SND1: variants seen among roughly 807,000 people sequenced by gnomAD.
SND1 encodes staphylococcal nuclease domain-containing protein 1.
A neutral mutation model predicts 121.7 loss-of-function variants in SND1; 38 were observed. That is an observed-to-expected ratio of 0.31 (90% CI 0.24 to 0.41). The LOEUF (loss-of-function observed/expected upper bound fraction) is 0.41. SND1 is among the 10% of genes least tolerant of loss of function. The probability of loss-of-function intolerance (pLI) is 1.00; values close to 1 mark genes in which losing one functional copy is unlikely to be tolerated. For synonymous variants in SND1, 401 were observed against 447.4 expected (o/e 0.90, Z 1.31); for missense variants, 868 against 1,184.6 (o/e 0.73, Z 3.92).
In SND1 at chr7:127,857,704, C is replaced by T. The variant is rs181967082; in HGVS notation, c.1343+13280C>T. On this transcript the variant is annotated intron_variant, in intron 12 of 23. Transcript: ENST00000354725. The stretch of plus-strand genomic sequence containing the variant: ...CCTCGCTTCTGGCCATCAGCACAGC[C>T]AAGGCCCCACAACTAAAGGCTTTTA... 224 of 583,898 alleles carry T rather than the reference C, an allele frequency of 3.8e-4. No individual in the cohort carries two copies. The African/African-American group carries it at 4.0e-3, about 10-fold the overall frequency. The allele number at this position is 583,898 out of a possible 1,614,324, so 36.2% of individuals were successfully genotyped here.
chr7:128,061,974 G>T (rs1200817038), intron 16 of SND1, among the ~76,000 whole-genome samples: 2 of 152,234 alleles, frequency 1.3e-5, no homozygotes, highest in Non-Finnish European at 2.9e-5. Context: ...CATCTCAAAG[G>T]CCTCTTCACT....
At chr7:127,717,566 A>G (rs547351682) in intron 9 of SND1, among the ~76,000 whole-genome samples, 7 of 152,142 alleles carry the variant, frequency 4.6e-5, no homozygotes, top group African/African-American at 1.7e-4. Flanking sequence ...TGGCAGCTGT[A>G]CTCTTCTAGG....
chr7:127,767,930 A>G (rs558190953), intron 10 of SND1, among the ~76,000 whole-genome samples: 1 of 152,334 alleles, frequency 6.6e-6, no homozygotes, highest in East Asian at 1.9e-4. Flanking sequence ...TTTGGTGTGG[A>G]AAGAGGGGCT....
At chr7:128,024,971 C>A (rs1365859248) in intron 16 of SND1, among the ~76,000 whole-genome samples, 1 of 152,148 alleles carries the variant, frequency 6.6e-6, no homozygotes, top group Non-Finnish European at 1.5e-5. Context: ...GGGAGGAGGC[C>A]AAGCCACCTT....
intron 16 of SND1, chr7:127,997,576 T>C (rs941404168): frequency 7.1e-6 from 3 of 423,556 alleles, no homozygotes; most frequent in Middle Eastern, 4.2e-4. Flanking sequence ...ATCTAATGTT[T>C]CTTAAAAGAC....
intron 7 of SND1, 152 bp from the exon 8 acceptor site, chr7:127,704,687 G>A (rs913751696): frequency 2.3e-5 from 15 of 649,292 alleles, no homozygotes; most frequent in African/African-American, 7.2e-5. Flanking sequence ...GAGTGGTTTC[G>A]TAGTGAGAGA....
intron 4 of SND1, among the ~76,000 whole-genome samples, chr7:127,699,460 T>G (rs889252679): frequency 6.6e-6 from 1 of 152,216 alleles, no homozygotes; most frequent in Non-Finnish European, 1.5e-5. Flanking sequence ...TTGTTTAGAA[T>G]CTGGAGAAAC....
chr7:127,702,458 G>T lies in SND1; in HGVS notation c.613G>T (p.Gly205Cys). Residue 205 changes from glycine (G) to cysteine (C), a missense_variant, in exon 6 of 24, where the codon GGC becomes TGC. Physicochemically the swap from Gly to Cys is radical, Grantham distance 159. Transcript: ENST00000354725. ...VNAIIEHVRD[G>C]SVVRALLLPD... ...AGCTATCATCGAGCATGTGCGGGAC[G>T]GCAGTGTGGTCAGGGCCCTGCTCCT... The T allele has an allele frequency of 3.1e-6, 5 of 1,614,106 alleles. No homozygotes were observed. The highest frequency in any genetic ancestry group is 4.2e-6 in the Non-Finnish European group (5 of 1,179,980).
At chr7:127,966,952 G>A (rs1257535189) in intron 15 of SND1, among the ~76,000 whole-genome samples, 3 of 152,106 alleles carry the variant, frequency 2.0e-5, no homozygotes, top group East Asian at 1.9e-4. Flanking sequence ...TTGATAGAGC[G>A]GCATATTTCT....
chr7:127,878,281 G>T (rs748669949), intron 12 of SND1, among the ~76,000 whole-genome samples: 8 of 152,126 alleles, frequency 5.3e-5, no homozygotes, highest in Non-Finnish European at 8.8e-5. Context: ...TCACAGACCT[G>T]TACATACTCT....
intron 1 of SND1, among the ~76,000 whole-genome samples, chr7:127,665,452 G>A (rs1393751291): frequency 1.3e-5 from 2 of 152,156 alleles, no homozygotes; most frequent in East Asian, 1.9e-4. Flanking sequence ...CTCCCGAAGT[G>A]CTGGGATTAC....
rs183316595 is a variant in SND1 at position 127,705,891 on chromosome 7, C to T, written c.947+946C>T. The stretch of plus-strand genomic sequence containing the variant: ...TATACAGCTAAGAGATGTGCAACGA[C>T]GTGAATGAATAACTATAGTATTTAT... On this transcript the variant is annotated intron_variant, in intron 8 of 23. Transcript: ENST00000354725. Among the ~76,000 whole-genome samples, 339 of 152,246 alleles carry T rather than the reference C, an allele frequency of 2.2e-3. 1 individual carries two copies. The highest frequency in any genetic ancestry group is 3.0e-3 in the Non-Finnish European group (207 of 68,026).
intron 16 of SND1, 140 bp downstream of exon 16, chr7:127,991,196 A>C: frequency 1.6e-6 from 1 of 639,000 alleles, no homozygotes; most frequent in Non-Finnish European, 2.7e-6. Flanking sequence ...GTGTCTGCCC[A>C]CATCTTATTT....
intron 13 of SND1, among the ~76,000 whole-genome samples, chr7:127,904,140 G>A (rs1280181721): frequency 6.6e-6 from 1 of 152,204 alleles, no homozygotes; most frequent in Non-Finnish European, 1.5e-5. Context: ...CATGGCTGAG[G>A]TTGGCAGAGT....
At chr7:128,089,164 C>T (rs1285004221) in intron 21 of SND1, among the ~76,000 whole-genome samples, 1 of 152,174 alleles carries the variant, frequency 6.6e-6, no homozygotes, top group Admixed American at 6.5e-5. Context: ...AAGCGATTCT[C>T]GTGCCGCAGT....
intron 1 of SND1, among the ~76,000 whole-genome samples, chr7:127,669,617 C>T (rs1352362191): frequency 6.6e-6 from 1 of 152,212 alleles, no homozygotes; most frequent in Non-Finnish European, 1.5e-5. Context: ...GCTTCCTAGG[C>T]AAGACTCTCA....
intron 12 of SND1, among the ~76,000 whole-genome samples, chr7:127,885,309 C>T (rs560221494): frequency 4.6e-5 from 7 of 152,070 alleles, no homozygotes; most frequent in Non-Finnish European, 7.4e-5. Context: ...ATGCATTGCA[C>T]GTAGTGAATG....
rs554625752 is a variant in SND1 at position 127,726,057 on chromosome 7, A to G, written c.1152+4657A>G. Among the ~76,000 whole-genome samples the G allele has an allele frequency of 1.3e-3, 198 of 152,238 alleles. 1 individual carries two copies. The highest frequency in any genetic ancestry group is 3.0e-3 in the Admixed American group (46 of 15,290). On this transcript the variant is annotated intron_variant, in intron 10 of 23. Transcript: ENST00000354725. Reference sequence around the variant, plus strand: ...TTCTCTTAAATTATACTGGAAGATGAGCTTTTTGCCTATGGCTAACCATAT... The same window carrying G: ...TTCTCTTAAATTATACTGGAAGATGGGCTTTTTGCCTATGGCTAACCATAT...
intron 16 of SND1, 76 bp downstream of exon 16, chr7:127,991,132 A>T: frequency 2.0e-6 from 2 of 1,007,770 alleles, no homozygotes; most frequent in Non-Finnish European, 3.0e-6. Flanking sequence ...CATGTCAGAG[A>T]TCAGTCTGTT....
Sources: gnomAD v4.1 joint callset for allele counts (sites outside exome capture counted in the v4.1 genomes callset) on GRCh38, gnomAD v4.1.1 for gene constraint, MANE v1.5 for transcripts, NCBI Gene and HGNC (gene_info 2026-07-23, HGNC 2026-07-21) for gene names.